BTBD9: variants seen among roughly 807,000 people sequenced by gnomAD.
BTBD9 encodes the protein BTB domain containing 9.
A neutral mutation model predicts 64.3 loss-of-function variants in BTBD9; 49 were observed. That is an observed-to-expected ratio of 0.76 (90% confidence interval 0.61 to 0.97). The LOEUF (loss-of-function observed/expected upper bound fraction) is 0.97. BTBD9 is among the 50% of genes least tolerant of loss of function. The pLI, the probability that BTBD9 is intolerant of heterozygous loss-of-function variation, is 0.00. For missense variants in BTBD9, 598 were observed against 762.1 expected, an observed-to-expected ratio of 0.78 and a Z score of 2.53; for synonymous variants, 260 against 274.7, an observed-to-expected ratio of 0.95 and a Z score of 0.53.
chr6:38,218,180 T>C (rs1033364412), intron 9 of BTBD9, among the ~76,000 whole-genome samples: 1 of 152,204 alleles, frequency 6.6e-6, no homozygotes, highest in Non-Finnish European at 1.5e-5. Flanking sequence ...TTCAAGTCTA[T>C]GCCTACCCCC....
At chr6:38,259,416 T>C (rs1389714122) in intron 8 of BTBD9, among the ~76,000 whole-genome samples, 1 of 152,138 alleles carries the variant, frequency 6.6e-6, no homozygotes, top group African/African-American at 2.4e-5. Context: ...TTGGGGAAGG[T>C]TGGGAGGACA....
At chr6:38,440,047 A>G (rs1768954554) in intron 6 of BTBD9, among the ~76,000 whole-genome samples, 1 of 152,192 alleles carries the variant, frequency 6.6e-6, no homozygotes, top group African/African-American at 2.4e-5. Context: ...TCAGATTCCT[A>G]TTAAACATTC....
At chr6:38,359,264 T>G (rs1352257812) in intron 6 of BTBD9, among the ~76,000 whole-genome samples, 1 of 152,188 alleles carries the variant, frequency 6.6e-6, no homozygotes, top group East Asian at 1.9e-4. Context: ...CCAGGGTCTA[T>G]GTGAAACTGG....
At chr6:38,286,307 G>C (rs1761726544) in intron 8 of BTBD9, among the ~76,000 whole-genome samples, 1 of 152,150 alleles carries the variant, frequency 6.6e-6, no homozygotes, top group Non-Finnish European at 1.5e-5. Flanking sequence ...AACTTCTATG[G>C]TTATTAGCCT....
At chr6:38,438,916 G>T (rs1768885803) in intron 6 of BTBD9, among the ~76,000 whole-genome samples, 1 of 152,138 alleles carries the variant, frequency 6.6e-6, no homozygotes, top group Non-Finnish European at 1.5e-5. Context: ...AATAAGCCAT[G>T]AAGATATCTG....
chr6:38,522,994 C>CA (rs1773335103), intron 6 of BTBD9, among the ~76,000 whole-genome samples: 1 of 152,102 alleles, frequency 6.6e-6, no homozygotes, highest in Non-Finnish European at 1.5e-5. Context: ...ACCAACCTGG[C>CA]CAACATGGTG....
chr6:38,197,336 A>G (rs1762301587), intron 9 of BTBD9, among the ~76,000 whole-genome samples: 1 of 152,238 alleles, frequency 6.6e-6, no homozygotes, highest in Admixed American at 6.5e-5. Flanking sequence ...GCCAGATTTA[A>G]TGACTGTGAG....
At chr6:38,286,679 T>C (rs1170350633) in intron 8 of BTBD9, among the ~76,000 whole-genome samples, 2 of 152,198 alleles carry the variant, frequency 1.3e-5, no homozygotes, top group Non-Finnish European at 2.9e-5. Context: ...TGAGATGTTT[T>C]AGTCAAGGAC....
rs773237080 is a variant in BTBD9 at position 38,288,449 on chromosome 6, T to C, written c.1277A>G (p.Asn426Ser). The C allele has an allele frequency of 4.3e-6, 7 of 1,613,900 alleles. No individual in the cohort carries two copies. In the South Asian group the frequency reaches 7.7e-5, roughly 18 times the overall value. ...LEKGLIVPME[N>S]VATIADCASV... Reference sequence around the variant, plus strand: ...GGCACAATCAGCAATTGTTGCAACATTCTCCATGGGAACTGTGAATCCAAA... The same window carrying C: ...GGCACAATCAGCAATTGTTGCAACACTCTCCATGGGAACTGTGAATCCAAA... The change falls in exon 8 of 11, where the codon AAT becomes AGT. Residue 426 changes from asparagine (N) to serine (S), a missense_variant. Transcript: ENST00000481247.
At chr6:38,212,629 C>T (rs1242977514) in intron 9 of BTBD9, among the ~76,000 whole-genome samples, 3 of 152,194 alleles carry the variant, frequency 2.0e-5, no homozygotes, top group Non-Finnish European at 2.9e-5. Flanking sequence ...TGCCAGCAGG[C>T]ATCTCTGGAG....
At chr6:38,604,727 G>GTTA (rs577507769) in intron 1 of BTBD9, among the ~76,000 whole-genome samples, 43 of 152,290 alleles carry the variant, frequency 2.8e-4, no homozygotes, top group Admixed American at 2.3e-3. Context: ...AAAATTATCA[G>GTTA]TTATATTCTT....
intron 5 of BTBD9, 83 bp from the exon 6 acceptor site, chr6:38,577,802 G>T: frequency 8.0e-7 from 1 of 1,255,448 alleles, no homozygotes; most frequent in Non-Finnish European, 1.1e-6. Context: ...GTGTTAAAAG[G>T]TACAAAAAAT....
At chr6:38,286,765 G>A (rs889010272) in intron 8 of BTBD9, among the ~76,000 whole-genome samples, 19 of 151,860 alleles carry the variant, frequency 1.3e-4, no homozygotes, top group African/African-American at 4.4e-4. Context: ...TCATAATGTC[G>A]CAGCACTATT....
At chr6:38,368,161 A>G (rs1357942371) in intron 6 of BTBD9, among the ~76,000 whole-genome samples, 1 of 152,100 alleles carries the variant, frequency 6.6e-6, no homozygotes, top group Non-Finnish European at 1.5e-5. Context: ...ATCACTCCCC[A>G]CTTTGAAATT....
chr6:38,628,366 C>A (rs1778240699), intron 1 of BTBD9, among the ~76,000 whole-genome samples: 1 of 152,166 alleles, frequency 6.6e-6, no homozygotes, highest in African/African-American at 2.4e-5. Flanking sequence ...TACAGGTCCC[C>A]ACGCTAACAT....
intron 6 of BTBD9, among the ~76,000 whole-genome samples, chr6:38,537,919 T>C (rs1186318682): frequency 6.6e-6 from 1 of 152,148 alleles, no homozygotes; most frequent in Non-Finnish European, 1.5e-5. Flanking sequence ...AAAGGAACCA[T>C]GTAAATCACC....
At chr6:38,366,474 C>G (rs1257798884) in intron 6 of BTBD9, among the ~76,000 whole-genome samples, 2 of 152,212 alleles carry the variant, frequency 1.3e-5, no homozygotes, top group Non-Finnish European at 2.9e-5. Flanking sequence ...AAAAGGAAAG[C>G]TGTCCCCTAA....
chr6:38,443,029 C>G (rs1011844260), intron 6 of BTBD9, among the ~76,000 whole-genome samples: 7 of 152,120 alleles, frequency 4.6e-5, no homozygotes, highest in African/African-American at 1.4e-4. Context: ...GTAAGAAACT[C>G]AAGCTAGACA....
chr6:38,274,485 T>C (rs1248162026), intron 8 of BTBD9, among the ~76,000 whole-genome samples: 3 of 152,176 alleles, frequency 2.0e-5, no homozygotes, highest in Admixed American at 1.3e-4. Flanking sequence ...CTTCCAGTTT[T>C]TGCCCATTCA....
Sources: allele counts gnomAD v4.1 joint callset (sites outside exome capture counted in the v4.1 genomes callset), GRCh38; gene constraint gnomAD v4.1.1; transcripts MANE v1.5; gene names NCBI Gene and HGNC (gene_info 2026-07-23, HGNC 2026-07-21).